RPL7L1: variants seen among roughly 807,000 people sequenced by gnomAD.
The protein encoded by RPL7L1 is ribosomal protein uL30-like.
In RPL7L1, 20 loss-of-function variants were observed where a neutral mutation model predicts 30.3. That is an observed-to-expected ratio of 0.66 (90% CI 0.46 to 0.96). The LOEUF (loss-of-function observed/expected upper bound fraction) is 0.96, where lower values mean the gene tolerates loss of function less well. RPL7L1 is among the 40% of genes least tolerant of loss of function. The pLI, the probability that RPL7L1 is intolerant of heterozygous loss-of-function variation, is 0.00. For synonymous variants in RPL7L1, 107 were observed against 110.1 expected (o/e 0.97, Z 0.18); for missense variants, 271 against 314.9 (o/e 0.86, Z 1.05).
At chr6:42,884,081 G>C (rs1404024467) in intron 3 of RPL7L1, 1 of 155,072 alleles carries the variant, frequency 6.4e-6, no homozygotes, top group Non-Finnish European at 1.4e-5. Context: ...TCTACTTCTT[G>C]CTGTTTCCCC....
intron 1 of RPL7L1, 80 bp downstream of exon 1, chr6:42,880,031 G>A (rs1766014612): frequency 3.0e-6 from 4 of 1,338,118 alleles, no homozygotes; most frequent in African/African-American, 2.9e-5. Context: ...CCTTGGTGGC[G>A]GATTCCTGTG....
Position 42,889,587 on chromosome 6 carries a change from A to C in RPL7L1, c.*3123A>C, listed in dbSNP as rs1048494220. On this transcript the variant is annotated 3_prime_UTR_variant, in exon 6 of 6. Transcript: ENST00000493763. ...AGATTACTTTAAAATGATGTATTAC[A>C]AAGTTATGCAAAAAAGCAGTTGTGA... The C allele has an allele frequency of 6.6e-6, 1 of 152,652 alleles. No homozygotes were observed. Among genetic ancestry groups the C allele is most frequent in the Non-Finnish European group, 1.5e-5 (1 of 68,048 alleles). 9.5% of individuals were successfully genotyped at this position (152,652 alleles called of 1,614,324 possible).
chr6:42,886,120 A>C (rs748144405), intron 5 of RPL7L1, 37 bp downstream of exon 5: 1 of 1,422,176 alleles, frequency 7.0e-7, no homozygotes, highest in Admixed American at 1.7e-5. Context: ...TGGGGCAGAA[A>C]GCCAGGGTCT....
chr6:42,885,879 T>A (rs1766246586), intron 4 of RPL7L1, 95 bp from the exon 5 acceptor site: 1 of 712,536 alleles, frequency 1.4e-6, no homozygotes, highest in Admixed American at 2.0e-5. Context: ...GAAGTGAGTG[T>A]GTGGGAGAAC....
chr6:42,880,051 A>G, intron 1 of RPL7L1, 100 bp downstream of exon 1: 1 of 1,202,224 alleles, frequency 8.3e-7, no homozygotes, highest in Admixed American at 1.7e-5. Context: ...GGGCTCTAGG[A>G]ATAGAAAAGG....
intron 4 of RPL7L1, among the ~76,000 whole-genome samples, chr6:42,885,344 A>G (rs13212663): frequency 0.2 from 27,812 of 137,420 alleles, 2,981 homozygotes; most frequent in Middle Eastern, 0.28. Flanking sequence ...AAAAAAAAAA[A>G]GGCCAGACAC....
At chr6:42,885,840 T>C in intron 4 of RPL7L1, 134 bp from the exon 5 acceptor site, 1 of 609,794 alleles carries the variant, frequency 1.6e-6, no homozygotes, top group Non-Finnish European at 3.0e-6. Context: ...TCAGCTGGAA[T>C]GTGATTGCAG....
In RPL7L1 at chr6:42,889,142, T is replaced by TA. The variant is rs1020187068; in HGVS notation, c.*2682dup. ...AATCAAGTTAGAGATGTAACTGCCT[T>TA]AAAACATGCCAGCTTAGGCTGGGCA... is the stretch of plus-strand genomic sequence containing the variant. On this transcript the variant is annotated 3_prime_UTR_variant, in exon 6 of 6. Coordinates refer to ENST00000493763, the MANE Select transcript of RPL7L1 (RefSeq NM_001366481.3). The TA allele has an allele frequency of 6.6e-6, 1 of 152,176 alleles. No individual in the cohort carries two copies. Among genetic ancestry groups the TA allele is most frequent in the Non-Finnish European group, 1.5e-5 (1 of 68,054 alleles). 9.4% of individuals were successfully genotyped at this position (152,176 alleles called of 1,614,324 possible). A position where few individuals can be genotyped will look rare whatever the true frequency, so the allele number is the denominator to read the frequency against.
chr6:42,880,831 G>A (rs749166473), intron 1 of RPL7L1, 30 bp from the exon 2 acceptor site: 1 of 1,305,842 alleles, frequency 7.7e-7, no homozygotes, highest in East Asian at 2.3e-5. Context: ...TTTTCTAAAT[G>A]TTATCTCTGA....
rs11558575 is a variant in RPL7L1, at chr6:42,889,167, A to G, written c.*2703A>G. The G allele has an allele frequency of 1.3e-5, 2 of 152,234 alleles. No individual in the cohort carries two copies. Among genetic ancestry groups the G allele is most frequent in the Non-Finnish European group, 2.9e-5 (2 of 68,062 alleles). 9.4% of individuals were successfully genotyped at this position (152,234 alleles called of 1,614,324 possible). On this transcript the variant is annotated 3_prime_UTR_variant, in exon 6 of 6. Coordinates refer to ENST00000493763, the MANE Select transcript of RPL7L1 (RefSeq NM_001366481.3). The stretch of plus-strand genomic sequence containing the variant: ...TAAAACATGCCAGCTTAGGCTGGGC[A>G]CGGTGGCTCACACCTGTAATCTCAA...
rs1376490556 is a variant in RPL7L1 at position 42,879,930 on chromosome 6, C to G, written c.20C>G (p.Thr7Ser). 2 of 1,614,132 alleles carry G rather than the reference C, an allele frequency of 1.2e-6. No individual in the cohort carries two copies. Among genetic ancestry groups the G allele is most frequent in the Admixed American group, 1.7e-5 (1 of 60,016 alleles). Residue 7 changes from threonine to serine, a missense_variant, in exon 1 of 6, where the codon ACT (threonine) becomes AGT (serine). By Grantham distance (58) the Thr-to-Ser change is moderately conservative. Coordinates refer to ENST00000493763, the MANE Select transcript of RPL7L1 (RefSeq NM_001366481.3). MISSCT[T>S]RKMAEQEQRK... is the part of the protein sequence containing the mutation. Reference sequence around the variant, plus strand: ...TTGCGCATGATCAGTAGCTGCACCACTAGAAAGATGGCGGAGCAAGAGTGA... The same window carrying G: ...TTGCGCATGATCAGTAGCTGCACCAGTAGAAAGATGGCGGAGCAAGAGTGA...
Position 42,888,073 on chromosome 6 carries a change from C to G in RPL7L1, c.*1609C>G, listed in dbSNP as rs1233485715. ...CAGGATTTGAGAATGAGGACCCCTT[C>G]GCCAGGAAAACATGTATACACTCAA... On this transcript the variant is annotated 3_prime_UTR_variant, in exon 6 of 6. Transcript: ENST00000493763. 1 of 151,656 alleles carries G rather than the reference C, an allele frequency of 6.6e-6. No individual in the cohort carries two copies. The highest frequency in any genetic ancestry group is 2.4e-5 in the African/African-American group (1 of 41,212). 9.4% of individuals were successfully genotyped at this position (151,656 alleles called of 1,614,324 possible).
Position 42,885,981 on chromosome 6 carries a change from A to C in RPL7L1, c.457A>C (p.Asn153His). The change falls in exon 5 of 6, where the codon AAT becomes CAT. Residue 153 changes from asparagine to histidine, a missense_variant. By Grantham distance (68) the Asn-to-His change is moderately conservative (BLOSUM62 1). Coordinates refer to ENST00000493763, the MANE Select transcript of RPL7L1 (RefSeq NM_001366481.3). ...CTTTATTTTCCTACATAGATTTCCA[A>C]ATCTGAAGTCTGTCCGAGAACTCAT... ...VEPYVTWGFPNLKSVRELILK... is the reference protein window; with the variant it reads ...VEPYVTWGFPHLKSVRELILK... 6.3e-7 allele frequency: 1 copy of C among 1,593,492 alleles called. No homozygotes were observed. The highest frequency in any genetic ancestry group is 1.1e-5 in the South Asian group (1 of 90,630).
chr6:42,883,659 T>C, intron 3 of RPL7L1, 45 bp downstream of exon 3: 1 of 1,500,150 alleles, frequency 6.7e-7, no homozygotes, highest in African/African-American at 1.4e-5. Flanking sequence ...TGGGGCAAAG[T>C]GTTGCTTAAG....
chr6:42,889,050 T>G lies in RPL7L1; in HGVS notation c.*2586T>G, dbSNP rs1407413107. 6.6e-6 allele frequency: 1 copy of G among 152,172 alleles called. No individual in the cohort carries two copies. The highest frequency in any genetic ancestry group is 2.1e-4 in the South Asian group (1 of 4,828). 9.4% of individuals were successfully genotyped at this position (152,172 alleles called of 1,614,324 possible). A position where few individuals can be genotyped will look rare whatever the true frequency, so the allele number is the denominator to read the frequency against. On this transcript the variant is annotated 3_prime_UTR_variant, in exon 6 of 6. Transcript: ENST00000493763. ...CTTGGAAACATGCTTGACCATTCTATTCCCTGGTCCTTTAAGATCAGTTTG... is the reference window on the plus strand; with the variant it reads ...CTTGGAAACATGCTTGACCATTCTAGTCCCTGGTCCTTTAAGATCAGTTTG...
intron 4 of RPL7L1, 126 bp downstream of exon 4, chr6:42,884,876 C>A: frequency 1.1e-6 from 1 of 890,070 alleles, no homozygotes; most frequent in Non-Finnish European, 1.7e-6. Flanking sequence ...CACAGTCAAC[C>A]TGAAATCAGT....
At chr6:42,884,270 G>A (rs1354039971) in intron 3 of RPL7L1, among the ~76,000 whole-genome samples, 1 of 152,168 alleles carries the variant, frequency 6.6e-6, no homozygotes, top group East Asian at 1.9e-4. Context: ...GTGATTGTCA[G>A]AAAGAAATCT....
intron 1 of RPL7L1, chr6:42,880,470 A>G (rs16896137): frequency 5.7e-4 from 130 of 227,854 alleles, no homozygotes; most frequent in African/African-American, 2.9e-3. Flanking sequence ...AGCCCAGGAT[A>G]TTGAATTGGT....
chr6:42,883,931 G>A (rs895719679), intron 3 of RPL7L1: 8 of 172,064 alleles, frequency 4.6e-5, no homozygotes, highest in African/African-American at 1.9e-4. Context: ...CATACGTGCT[G>A]AAGTCCTGAG....
Sources: allele counts gnomAD v4.1 joint callset (sites outside exome capture counted in the v4.1 genomes callset), GRCh38; gene constraint gnomAD v4.1.1; transcripts MANE v1.5; gene names NCBI Gene and HGNC (gene_info 2026-07-23, HGNC 2026-07-21).